GCSH: variants seen among roughly 807,000 people sequenced by gnomAD.
GCSH encodes the protein glycine cleavage system protein H.
A neutral mutation model predicts 21.3 loss-of-function variants in GCSH; 15 were observed. That is an observed-to-expected ratio of 0.70 (90% confidence interval 0.47 to 1.08). GCSH has a LOEUF of 1.08. Among genes scored for constraint, GCSH ranks in the 50% least tolerant of loss-of-function variants. GCSH has a pLI of 0.00. For missense variants in GCSH, 179 were observed against 217.5 expected (o/e 0.82, Z 1.11); for synonymous variants, 59 against 84.5 (o/e 0.70, Z 1.66).
Position 81,082,930 on chromosome 16 carries a change from G to C in GCSH, c.458C>G (p.Ser153Ter). The C allele has an allele frequency of 6.4e-7, 1 of 1,567,838 alleles. No homozygotes were observed. The highest frequency in any genetic ancestry group is 8.8e-7 in the Non-Finnish European group (1 of 1,138,286). ...TTCACTCATAAGTTCATCTAGTTCT[G>C]AAGGGTTACTCAGTGTCATCTTGAT... ...WLIKMTLSNP[S>*]ELDELMSEEA... The change falls in exon 5 of 5, where the codon TCA becomes TGA. Residue 153 changes from serine (S) to a stop codon, truncating the protein, a stop_gained. Coordinates refer to ENST00000315467, the MANE Select transcript of GCSH (RefSeq NM_004483.5). LOFTEE classifies it high-confidence loss of function.
At chr16:81,086,754 C>T (rs1475719518) in intron 3 of GCSH, among the ~76,000 whole-genome samples, 1 of 139,866 alleles carries the variant, frequency 7.1e-6, no homozygotes, top group Admixed American at 7.4e-5. Context: ...AAAATTCAAT[C>T]TACAGATTCA....
In GCSH at chr16:81,088,540, A is replaced by C. The variant is rs141221866; in HGVS notation, c.229-876T>G. On this transcript the variant is annotated intron_variant, in intron 2 of 4. Coordinates refer to ENST00000315467, the MANE Select transcript of GCSH (RefSeq NM_004483.5). ...CAGCCTCCCAAGTAGCTGGGATTAC[A>C]GGTGCCCACCACCATGCCTGGTTAA... Among the ~76,000 whole-genome samples, 11 of 152,286 alleles carry C rather than the reference A, an allele frequency of 7.2e-5. No homozygotes were observed. The East Asian group carries it at 1.9e-3, about 27-fold the overall frequency.
intron 1 of GCSH, among the ~76,000 whole-genome samples, chr16:81,093,971 G>C (rs528292207): frequency 3.3e-5 from 5 of 152,002 alleles, no homozygotes; most frequent in African/African-American, 1.2e-4. Flanking sequence ...GTGCAATCTA[G>C]GCTCGCTGCA....
At chr16:81,091,761 C>T (rs529297160) in intron 1 of GCSH, among the ~76,000 whole-genome samples, 2 of 152,000 alleles carry the variant, frequency 1.3e-5, no homozygotes, top group Non-Finnish European at 2.9e-5. Flanking sequence ...CGCAGCACAA[C>T]GTAAGTAGAG....
chr16:81,090,780 T>C (rs1306516431), intron 1 of GCSH, 100 bp from the exon 2 acceptor site: 2 of 834,366 alleles, frequency 2.4e-6, no homozygotes, highest in African/African-American at 3.3e-5. Flanking sequence ...AGAATTTCTG[T>C]TTGACCTGTT....
chr16:81,085,139 C>A (rs902876584), intron 3 of GCSH, among the ~76,000 whole-genome samples: 1 of 151,632 alleles, frequency 6.6e-6, no homozygotes, highest in Non-Finnish European at 1.5e-5. Flanking sequence ...CTCAGCCTCC[C>A]AAGTAGCTAG....
chr16:81,082,004 C>T lies in GCSH; in HGVS notation c.*862G>A, dbSNP rs993963247. 8 of 452,140 alleles carry T rather than the reference C, an allele frequency of 1.8e-5. No homozygotes were observed. Among genetic ancestry groups the T allele is most frequent in the Non-Finnish European group, 3.1e-5 (7 of 226,450 alleles). The allele number at this position is 452,140 out of a possible 1,614,324, so 28.0% of individuals were successfully genotyped here. A position where few individuals can be genotyped will look rare whatever the true frequency, so the allele number is the denominator to read the frequency against. Reference sequence around the variant, plus strand: ...TTATTCCCATGACTTAAGTGGAAACCTGAACGTGGTTTAACAACTTAAAAA... The same window carrying T: ...TTATTCCCATGACTTAAGTGGAAACTTGAACGTGGTTTAACAACTTAAAAA... On this transcript the variant is annotated 3_prime_UTR_variant, in exon 5 of 5. Transcript: ENST00000315467.
intron 2 of GCSH, among the ~76,000 whole-genome samples, chr16:81,089,774 T>C (rs1164132154): frequency 6.6e-6 from 1 of 152,200 alleles, no homozygotes; most frequent in East Asian, 1.9e-4. Context: ...CCATATGGAA[T>C]TGAGGGGAAT....
In GCSH at chr16:81,084,561, G is replaced by C; in HGVS notation, c.326C>G (p.Ala109Gly). The C allele has an allele frequency of 6.2e-7, 1 of 1,604,290 alleles. No homozygotes were observed. Among genetic ancestry groups the C allele is most frequent in the Non-Finnish European group, 8.5e-7 (1 of 1,171,370 alleles). The change falls in exon 4 of 5, where the codon GCT becomes GGT. Residue 109 changes from alanine (A) to glycine (G), a missense_variant. Coordinates refer to ENST00000315467, the MANE Select transcript of GCSH (RefSeq NM_004483.5). ...TGATAAAGGAGAATAGAGTTCACTA[G>C]CAGCTTTCACACTTTCCAAAGCACC... is the stretch of plus-strand genomic sequence containing the variant. The part of the protein sequence containing the change: ...EFGALESVKA[A>G]SELYSPLSGE...
rs1444535730 is a variant in GCSH, at chr16:81,082,057, C to A, written c.*809G>T. The A allele has an allele frequency of 2.2e-6, 1 of 453,986 alleles. No individual in the cohort carries two copies. The highest frequency in any genetic ancestry group is 4.4e-6 in the Non-Finnish European group (1 of 226,800). The allele number at this position is 453,986 out of a possible 1,614,324, so 28.1% of individuals were successfully genotyped here. A position where few individuals can be genotyped will look rare whatever the true frequency, so the allele number is the denominator to read the frequency against. On this transcript the variant is annotated 3_prime_UTR_variant, in exon 5 of 5. Coordinates refer to ENST00000315467, the MANE Select transcript of GCSH (RefSeq NM_004483.5). ...CCATGTGCTATACTGATCAAAACTT[C>A]CACCTTCCTCTGTCTTTCCTCTTCT...
rs565547445 is a variant in GCSH, at chr16:81,096,360, C to T, written c.-82G>A. The T allele has an allele frequency of 5.4e-6, 6 of 1,106,506 alleles. No homozygotes were observed. Among genetic ancestry groups the T allele is most frequent in the Middle Eastern group, 3.3e-4 (1 of 3,076 alleles). The allele number at this position is 1,106,506 out of a possible 1,614,324, so 68.5% of individuals were successfully genotyped here. ...GGGGCGGGGAGGGGCAGTTCGCGGCCGGAGGGAGCCGGCTGGATGGAGGCG... is the reference window on the plus strand; with the variant it reads ...GGGGCGGGGAGGGGCAGTTCGCGGCTGGAGGGAGCCGGCTGGATGGAGGCG... On this transcript the variant is annotated 5_prime_UTR_variant, in exon 1 of 5. Transcript: ENST00000315467.
rs1471837964 is a variant in GCSH, at chr16:81,090,963, A to C, written c.149-283T>G. ...ATTACTTAGCCTAAATCACAAAAGA[A>C]AATTTTGGAGCATATTTCAAATGTA... On this transcript the variant is annotated intron_variant, in intron 1 of 4. Coordinates refer to ENST00000315467, the MANE Select transcript of GCSH (RefSeq NM_004483.5). 29 of 512,600 alleles carry C rather than the reference A, an allele frequency of 5.7e-5. No homozygotes were observed. In the East Asian group the frequency reaches 1.1e-3, roughly 20 times the overall value. 31.8% of individuals were successfully genotyped at this position (512,600 alleles called of 1,614,324 possible).
intron 1 of GCSH, among the ~76,000 whole-genome samples, chr16:81,095,252 A>T (rs1465181821): frequency 6.6e-6 from 1 of 152,178 alleles, no homozygotes; most frequent in Non-Finnish European, 1.5e-5. Flanking sequence ...GAATGATCCA[A>T]TACAAACTTT....
rs976857980 is a variant in GCSH at position 81,096,114 on chromosome 16, G to A, written c.148+17C>T. 46 of 1,245,550 alleles carry A rather than the reference G, an allele frequency of 3.7e-5. No individual in the cohort carries two copies. Among genetic ancestry groups the A allele is most frequent in the East Asian group, 6.4e-5 (2 of 31,466 alleles). The allele number at this position is 1,245,550 out of a possible 1,614,324, so 77.2% of individuals were successfully genotyped here. ...AGGCGGGGAGGGAGCAGCCGCCCACGTGCCCGCCGCGCTTACCCGAGAGCA... is the reference window on the plus strand; with the variant it reads ...AGGCGGGGAGGGAGCAGCCGCCCACATGCCCGCCGCGCTTACCCGAGAGCA... On this transcript the variant is annotated intron_variant, in intron 1 of 4. Transcript: ENST00000315467.
chr16:81,085,652 T>C (rs1050026128), intron 3 of GCSH, among the ~76,000 whole-genome samples: 4 of 152,182 alleles, frequency 2.6e-5, no homozygotes. Context: ...GAAGATCACC[T>C]GAGGTCAGTA....
At chr16:81,091,659 T>C (rs188251358) in intron 1 of GCSH, among the ~76,000 whole-genome samples, 20 of 152,204 alleles carry the variant, frequency 1.3e-4, no homozygotes, top group Non-Finnish European at 2.6e-4. Context: ...CAAATACTGT[T>C]TTAAAGAGGC....
intron 1 of GCSH, among the ~76,000 whole-genome samples, 167 bp downstream of exon 1, chr16:81,095,964 G>A (rs1353412640): frequency 6.6e-6 from 1 of 151,964 alleles, no homozygotes. Flanking sequence ...GGGAGAAGCG[G>A]CCGCAGAGCC....
chr16:81,095,114 A>G lies in GCSH; in HGVS notation c.148+1017T>C, dbSNP rs866775460. 1.2e-4 allele frequency among the ~76,000 whole-genome samples: 19 copies of G among 152,058 alleles called. No homozygotes were observed. The South Asian group carries it at 3.1e-3, about 25-fold the overall frequency. On this transcript the variant is annotated intron_variant, in intron 1 of 4. Transcript: ENST00000315467. The stretch of plus-strand genomic sequence containing the variant: ...TCTCAATAAAAAGAAAAAAAAAAAA[A>G]AAGAAAATTGTTTTTCCCCTGCAAT...
chr16:81,087,789 G>A (rs1972313763), intron 2 of GCSH, 125 bp from the exon 3 acceptor site: 1 of 728,820 alleles, frequency 1.4e-6, no homozygotes, highest in Non-Finnish European at 2.4e-6. Context: ...TACTGGAGGG[G>A]CTACATTCTT....
Sources: allele counts gnomAD v4.1 joint callset (sites outside exome capture counted in the v4.1 genomes callset), GRCh38; gene constraint gnomAD v4.1.1; transcripts MANE v1.5; gene names NCBI Gene and HGNC (gene_info 2026-07-23, HGNC 2026-07-21).